Variants in NR3C1 observed in about 807,000 individuals in gnomAD.
NR3C1 encodes the protein nuclear receptor subfamily 3 group C member 1.
NR3C1 carries 14 observed loss-of-function variants against 74.0 expected under a neutral mutation model. The ratio of observed to expected loss-of-function variants is 0.19; its 90% CI spans 0.12 to 0.30. NR3C1 has a LOEUF of 0.30. NR3C1 is among the 10% of genes least tolerant of loss of function. The probability of loss-of-function intolerance (pLI) is 1.00; values close to 1 mark genes in which losing one functional copy is unlikely to be tolerated. For synonymous variants in NR3C1, 308 were observed against 332.5 expected (o/e 0.93, Z 0.80); for missense variants, 695 against 909.8 (o/e 0.76, Z 3.04).
At position 143,400,512 on chromosome 5, in the gene NR3C1, T is replaced by C. The variant is rs1294585802; in HGVS notation, c.328A>G (p.Ile110Val). The C allele has an allele frequency of 6.2e-7, 1 of 1,614,114 alleles. No individual in the cohort carries two copies. The highest frequency in any genetic ancestry group is 1.3e-5 in the African/African-American group (1 of 74,936). The change falls in exon 2 of 9, where the codon ATC becomes GTC. Residue 110 changes from isoleucine to valine, a missense_variant. By Grantham distance (29) the Ile-to-Val change is conservative. Transcript: ENST00000394464. ...NDLGFPQQGQ[I>V]SLSSGETDLK... ...TCTGTTTCCCCCGAGGAAAGGCTGA[T>C]TTGGCCCTGCTGTGGGAATCCCAGG...
At chr5:143,420,143 T>C (rs2151959101) in intron 1 of NR3C1, among the ~76,000 whole-genome samples, 1 of 152,338 alleles carries the variant, frequency 6.6e-6, no homozygotes, top group South Asian at 2.1e-4. Context: ...CTGTTCTTTT[T>C]TCAAGGTGCC....
intron 2 of NR3C1, among the ~76,000 whole-genome samples, chr5:143,343,266 A>C (rs934248543): frequency 2.6e-5 from 4 of 152,210 alleles, no homozygotes; most frequent in Non-Finnish European, 5.9e-5. Context: ...ACAGGGTGAC[A>C]ATCAACAGCT....
rs1357304772 is a variant in NR3C1, at chr5:143,320,933, G to GT, written c.1185-6766_1185-6765insA. On this transcript the variant is annotated intron_variant, in intron 2 of 8. Coordinates refer to ENST00000394464, the MANE Select transcript of NR3C1 (RefSeq NM_000176.3). The stretch of plus-strand genomic sequence containing the variant: ...TTTGCTCAGGCTTGCATTAGGGGAT[G>GT]CGAGTTTTAAGCAGAAGCAATAATA... Among the ~76,000 whole-genome samples the GT allele has an allele frequency of 1.1e-3, 175 of 152,332 alleles. 1 individual carries two copies. The highest frequency in any genetic ancestry group is 4.2e-3 in the African/African-American group (173 of 41,576).
chr5:143,368,594 C>T (rs150357028), intron 2 of NR3C1, among the ~76,000 whole-genome samples: 1 of 149,904 alleles, frequency 6.7e-6, no homozygotes, highest in African/African-American at 2.5e-5. Context: ...AAAAAGACAA[C>T]CTAATTTTAA....
At chr5:143,398,356 GT>G (rs35241746) in intron 2 of NR3C1, among the ~76,000 whole-genome samples, 3,350 of 85,296 alleles carry the variant, frequency 0.039, 41 homozygotes, top group African/African-American at 0.081. Flanking sequence ...AGGTTTTTTG[GT>G]TTTTTTTTTT....
intron 1 of NR3C1, chr5:143,402,588 A>C: frequency 1.0e-6 from 1 of 985,374 alleles, no homozygotes; most frequent in Non-Finnish European, 1.2e-6. Flanking sequence ...GTTAAAAGAG[A>C]AGTACGTCCA....
chr5:143,297,075 CAAAAAAAAAAAA>C (rs766243522), intron 6 of NR3C1, among the ~76,000 whole-genome samples: 2 of 60,630 alleles, frequency 3.3e-5, no homozygotes, highest in South Asian at 6.9e-4. Context: ...AGACTCGTCT[CAAAAAAAAAAAA>C]AAAAAAAAAG....
At position 143,279,117 on chromosome 5, in the gene NR3C1, T is replaced by A. The variant is rs10482712; in HGVS notation, c.*2772A>T. Reference sequence around the variant, plus strand: ...TTGGGATGGCCAGATAACACATACATAGGAAATAAATCTGCTTTCAAACAG... The same window carrying A: ...TTGGGATGGCCAGATAACACATACAAAGGAAATAAATCTGCTTTCAAACAG... On this transcript the variant is annotated 3_prime_UTR_variant, in exon 9 of 9. Transcript: ENST00000394464. 1.5e-4 allele frequency: 70 copies of A among 481,242 alleles called. No homozygotes were observed. The highest frequency in any genetic ancestry group is 1.2e-3 in the African/African-American group (58 of 48,584). The allele number at this position is 481,242 out of a possible 1,614,324, so 29.8% of individuals were successfully genotyped here.
chr5:143,384,791 ATGGTGAAAGC>A (rs984985305), intron 2 of NR3C1, among the ~76,000 whole-genome samples: 2 of 152,204 alleles, frequency 1.3e-5, no homozygotes. Context: ...TTCCAGGCAC[ATGGTGAAAGC>A]TGTCAGTGGA....
chr5:143,296,450 C>T (rs923274061), intron 6 of NR3C1, among the ~76,000 whole-genome samples: 1 of 152,070 alleles, frequency 6.6e-6, no homozygotes, highest in African/African-American at 2.4e-5. Flanking sequence ...CTGCTCTTAC[C>T]GAAGAGGCAC....
At chr5:143,386,871 G>A (rs922982997) in intron 2 of NR3C1, among the ~76,000 whole-genome samples, 2 of 152,248 alleles carry the variant, frequency 1.3e-5, no homozygotes, top group Non-Finnish European at 1.5e-5. Flanking sequence ...GTTATGGAGA[G>A]TTCATGTGGC....
At chr5:143,422,684 A>G (rs996393858) in intron 1 of NR3C1, among the ~76,000 whole-genome samples, 1 of 152,210 alleles carries the variant, frequency 6.6e-6, no homozygotes, top group African/African-American at 2.4e-5. Flanking sequence ...CTCACCAGAT[A>G]ACAGTTCTGT....
chr5:143,404,615 TCA>T (rs1439651668), upstream of NR3C1: 2 of 540,618 alleles, frequency 3.7e-6, no homozygotes, highest in African/African-American at 4.6e-5. Flanking sequence ...CCCAATGTGC[TCA>T]CACTCGAAGG....
At chr5:143,408,807 TG>T (rs1335677769) in intron 1 of NR3C1, among the ~76,000 whole-genome samples, 1 of 152,200 alleles carries the variant, frequency 6.6e-6, no homozygotes, top group African/African-American at 2.4e-5. Context: ...GGATGTTCAA[TG>T]TGTACTTTTA....
At chr5:143,430,970 T>C (rs946453241) in intron 1 of NR3C1, among the ~76,000 whole-genome samples, 1 of 152,224 alleles carries the variant, frequency 6.6e-6, no homozygotes, top group African/African-American at 2.4e-5. Context: ...GAACTTCCAG[T>C]TGACCATCAG....
intron 1 of NR3C1, among the ~76,000 whole-genome samples, chr5:143,420,495 C>T (rs558575250): frequency 2.0e-5 from 3 of 152,274 alleles, no homozygotes; most frequent in South Asian, 2.1e-4. Flanking sequence ...CCTGACTTCC[C>T]GCAACAGGGG....
chr5:143,327,552 G>A (rs551712672), intron 2 of NR3C1, among the ~76,000 whole-genome samples: 3 of 152,296 alleles, frequency 2.0e-5, no homozygotes, highest in East Asian at 3.9e-4. Context: ...GACATGGCAA[G>A]TCCCTTCCAC....
intron 7 of NR3C1, 48 bp from the exon 8 acceptor site, chr5:143,282,773 TTTTC>T (rs1440269351): frequency 1.5e-5 from 23 of 1,569,654 alleles, no homozygotes; most frequent in African/African-American, 2.8e-5. Context: ...TTTTCTTTTC[TTTTC>T]TTTTTTTTTT....
chr5:143,319,081 T>G (rs902667490), intron 2 of NR3C1, among the ~76,000 whole-genome samples: 1 of 152,134 alleles, frequency 6.6e-6, no homozygotes, highest in Non-Finnish European at 1.5e-5. Context: ...CAGGGCCCCA[T>G]GGACCACACT....
Sources: gnomAD v4.1 joint callset for allele counts (sites outside exome capture counted in the v4.1 genomes callset) on GRCh38, gnomAD v4.1.1 for gene constraint, MANE v1.5 for transcripts, NCBI Gene and HGNC (gene_info 2026-07-23, HGNC 2026-07-21) for gene names.